N4BP2L2: variants seen among roughly 807,000 people sequenced by gnomAD.
The protein encoded by N4BP2L2 is NEDD4 binding protein 2 like 2.
N4BP2L2 carries 50 observed loss-of-function variants against 56.2 expected under a neutral mutation model. That is an observed-to-expected ratio of 0.89 (90% CI 0.71 to 1.13). The LOEUF is 1.13. Among genes scored for constraint, N4BP2L2 ranks in the 50% most tolerant of loss-of-function variants. N4BP2L2 has a pLI of 0.00. For missense variants in N4BP2L2, 689 were observed against 693.8 expected (o/e 0.99, Z 0.08); for synonymous variants, 203 against 223.6 (o/e 0.91, Z 0.82).
intron 2 of N4BP2L2, among the ~76,000 whole-genome samples, chr13:32,528,515 G>A (rs766499158): frequency 4.6e-5 from 7 of 152,182 alleles, no homozygotes; most frequent in Non-Finnish European, 7.3e-5. Flanking sequence ...AGTACAGCAA[G>A]ATTAACAAGT....
intron 6 of N4BP2L2, among the ~76,000 whole-genome samples, chr13:32,469,627 TG>T (rs1398838402): frequency 2.0e-5 from 3 of 152,192 alleles, no homozygotes; most frequent in Non-Finnish European, 4.4e-5. Flanking sequence ...CGGCAGCGTC[TG>T]GGGGGTCCCC....
At chr13:32,445,680 T>G (rs2076952400) in intron 6 of N4BP2L2, among the ~76,000 whole-genome samples, 1 of 152,218 alleles carries the variant, frequency 6.6e-6, no homozygotes, top group Non-Finnish European at 1.5e-5. Context: ...GGTAATGTGT[T>G]ACCACACATT....
intron 6 of N4BP2L2, among the ~76,000 whole-genome samples, chr13:32,479,209 G>T (rs902455691): frequency 2.6e-5 from 4 of 152,118 alleles, no homozygotes; most frequent in Non-Finnish European, 5.9e-5. Flanking sequence ...TACATGCCAA[G>T]ATAAATATGT....
rs531934681 is a variant in N4BP2L2 at position 32,525,834 on chromosome 13, TAACTA to T, written c.1384+1569_1384+1573del. On this transcript the variant is annotated intron_variant, in intron 3 of 5. Coordinates refer to ENST00000267068, the Ensembl canonical transcript of N4BP2L2. Reference sequence around the variant, plus strand: ...AGAATTCCATTAAACATGGAAGGAATAACTAAACTAAAAATCATCACTTTGCAATT... The same window carrying T: ...AGAATTCCATTAAACATGGAAGGAATAACTAAAAATCATCACTTTGCAATT... Among the ~76,000 whole-genome samples, 108 of 152,264 alleles carry T rather than the reference TAACTA, an allele frequency of 7.1e-4. No individual in the cohort carries two copies. In the Middle Eastern group the frequency reaches 0.014, roughly 19 times the overall value.
chr13:32,508,818 G>A (rs2091346982), downstream of N4BP2L2: 2 of 152,120 alleles, frequency 1.3e-5, no homozygotes, highest in East Asian at 1.9e-4. Context: ...TTTGGGAAAA[G>A]GGTTCTAAAA....
At chr13:32,517,794 T>C (rs2049571332) in exon 6 of N4BP2L2, 7 of 1,611,952 alleles carry the variant, frequency 4.3e-6, no homozygotes, top group African/African-American at 1.3e-5. Flanking sequence ...TAGCTGAAAA[T>C]AGCTAATTTA....
At chr13:32,464,992 A>T (rs567360683) in intron 6 of N4BP2L2, among the ~76,000 whole-genome samples, 2 of 151,790 alleles carry the variant, frequency 1.3e-5, no homozygotes, top group African/African-American at 4.8e-5. Context: ...CTTTAGACAG[A>T]GTTTTGTTTT....
chr13:32,537,264 A>G (rs750141241), intron 1 of N4BP2L2, among the ~76,000 whole-genome samples: 2 of 151,646 alleles, frequency 1.3e-5, no homozygotes, highest in South Asian at 4.1e-4. Context: ...ATATATATGT[A>G]TATATACATA....
chr13:32,521,204 A>C (rs1400140963), intron 5 of N4BP2L2, among the ~76,000 whole-genome samples, 169 bp downstream of exon 5: 1 of 152,232 alleles, frequency 6.6e-6, no homozygotes, highest in Non-Finnish European at 1.5e-5. Context: ...TGAAGGCAGA[A>C]GGACAATGCA....
intron 7 of N4BP2L2, chr13:32,438,758 T>A: frequency 1.3e-6 from 2 of 1,534,844 alleles, no homozygotes; most frequent in Non-Finnish European, 1.8e-6. Flanking sequence ...AAGAAAGACC[T>A]AATCTCATCT....
At chr13:32,537,074 T>C (rs1180553119) in intron 1 of N4BP2L2, 47 bp from the exon 2 acceptor site, 1 of 1,252,690 alleles carries the variant, frequency 8.0e-7, no homozygotes, top group South Asian at 2.1e-5. Flanking sequence ...ATATTAAAAA[T>C]CTAAATAAAA....
At position 32,515,139 on chromosome 13, in the gene N4BP2L2, CAA is replaced by C. The variant is rs1254827188; in HGVS notation, c.*2661_*2662del. On this transcript the variant is annotated 3_prime_UTR_variant, in exon 6 of 6. Transcript: ENST00000267068. ...GGTGATCCAGAGAAAGACTCTGTCT[CAA>C]AAAAAAAAAAAAAAATCACTAAAGC... The C allele has an allele frequency of 3.8e-4, 45 of 117,828 alleles. No homozygotes were observed. In the East Asian group the frequency reaches 4.7e-3, roughly 12 times the overall value. 7.3% of individuals were successfully genotyped at this position (117,828 alleles called of 1,614,324 possible). A position where few individuals can be genotyped will look rare whatever the true frequency, so the allele number is the denominator to read the frequency against.
At chr13:32,438,625 T>TAC (rs374411974) in intron 8 of N4BP2L2, 28,771 of 1,415,114 alleles carry the variant, frequency 0.02, 214 homozygotes, top group Middle Eastern at 0.067. Context: ...CAAAAATACA[T>TAC]ACACACACAC....
At chr13:32,486,397 C>T (rs1383328522) in intron 6 of N4BP2L2, among the ~76,000 whole-genome samples, 5 of 151,918 alleles carry the variant, frequency 3.3e-5, no homozygotes, top group Admixed American at 2.0e-4. Flanking sequence ...TAAACTGGGC[C>T]GGGTGTGGTG....
At chr13:32,467,588 A>G (rs1453689995) in intron 6 of N4BP2L2, among the ~76,000 whole-genome samples, 1 of 151,580 alleles carries the variant, frequency 6.6e-6, no homozygotes, top group Non-Finnish European at 1.5e-5. Context: ...AACAGAGGGC[A>G]CTATTCTAGA....
exon 6 of N4BP2L2, chr13:32,517,485 G>T (rs1292097414): frequency 9.5e-7 from 1 of 1,052,256 alleles, no homozygotes; most frequent in Non-Finnish European, 1.1e-6. Context: ...CTGTTCAATA[G>T]TGTCTATAAA....
chr13:32,533,515 AT>A (rs766383227), intron 2 of N4BP2L2, among the ~76,000 whole-genome samples: 5,547 of 122,234 alleles, frequency 0.045, 173 homozygotes, highest in African/African-American at 0.17. Flanking sequence ...AGCATTACTA[AT>A]TTTTTTTTTT....
exon 6 of N4BP2L2, chr13:32,513,705 T>C (rs1251702472): frequency 6.6e-6 from 1 of 152,152 alleles, no homozygotes. Flanking sequence ...TTCTGAATCA[T>C]AAGCTAAGAT....
At position 32,444,215 on chromosome 13, in the gene N4BP2L2, T is replaced by C. The variant is rs1593423202; in HGVS notation, c.366-89A>G. On this transcript the variant is annotated intron_variant, in intron 6 of 9. Transcript: ENST00000357505. The stretch of plus-strand genomic sequence containing the variant: ...AACATCATACTCTTCATGTGCAGGT[T>C]TAAAAACCTTTAGTACAAGAGACTC... 6 of 992,174 alleles carry C rather than the reference T, an allele frequency of 6.0e-6. No individual in the cohort carries two copies. The East Asian group carries it at 1.7e-4, about 28-fold the overall frequency. 61.5% of individuals were successfully genotyped at this position (992,174 alleles called of 1,614,324 possible).
Sources: gnomAD v4.1 joint callset for allele counts (sites outside exome capture counted in the v4.1 genomes callset) on GRCh38, gnomAD v4.1.1 for gene constraint, MANE v1.5 for transcripts, NCBI Gene and HGNC (gene_info 2026-07-23, HGNC 2026-07-21) for gene names.